SCN2A: variants seen among roughly 807,000 people sequenced by gnomAD.
The protein encoded by SCN2A is sodium channel protein type 2 subunit alpha.
A neutral mutation model predicts 188.7 loss-of-function variants in SCN2A; 20 were observed. The observed-to-expected ratio is 0.11, with a 90% CI of 0.07 to 0.15. SCN2A has a LOEUF of 0.15. Among genes scored for constraint, SCN2A ranks in the 10% least tolerant of loss-of-function variants. The probability of loss-of-function intolerance (pLI) is 1.00; values close to 1 mark genes in which losing one functional copy is unlikely to be tolerated. For synonymous variants in SCN2A, 804 were observed against 833.1 expected (o/e 0.97, Z 0.60); for missense variants, 1,278 against 2,445.0 (o/e 0.52, Z 10.07).
intron 17 of SCN2A, among the ~76,000 whole-genome samples, chr2:165,360,490 A>G (rs1700405894): frequency 6.6e-6 from 1 of 151,962 alleles, no homozygotes; most frequent in Admixed American, 6.6e-5. Flanking sequence ...CCAGCATATA[A>G]AAGAATCACA....
rs1574572897 is a variant in SCN2A, at chr2:165,315,755, C to T, written c.1668C>T (p.His556=). 1 of 1,609,320 alleles carries T rather than the reference C, an allele frequency of 6.2e-7. No individual in the cohort carries two copies. The highest frequency in any genetic ancestry group is 8.5e-7 in the Non-Finnish European group (1 of 1,177,042). The change falls in exon 11 of 27, where the codon CAC becomes CAT. Residue 556 remains histidine, a synonymous_variant. Coordinates refer to ENST00000375437, the MANE Select transcript of SCN2A (RefSeq NM_001040142.2). ...LTYEKRFSSP[H]QSLLSIRGSL... ...ATGAAAAGAGATTTTCTTCTCCACA[C>T]CAGGTAAAAATATTAAATTACATGA...
chr2:165,278,183 A>G (rs1695425775), intron 1 of SCN2A, among the ~76,000 whole-genome samples: 1 of 152,244 alleles, frequency 6.6e-6, no homozygotes. Context: ...GATTAGTGTG[A>G]AAATTTAGAA....
chr2:165,271,827 T>C (rs1215110520), intron 1 of SCN2A: 1 of 152,106 alleles, frequency 6.6e-6, no homozygotes, highest in African/African-American at 2.4e-5. Flanking sequence ...TGTTACTTTT[T>C]TTCCTGGCTT....
At chr2:165,334,706 G>C (rs1698891979) in intron 14 of SCN2A, among the ~76,000 whole-genome samples, 2 of 151,690 alleles carry the variant, frequency 1.3e-5, no homozygotes, top group African/African-American at 4.8e-5. Context: ...AGGTCAAGAA[G>C]AAGGCAAGGA....
chr2:165,242,174 C>G (rs997087730), intron 1 of SCN2A, among the ~76,000 whole-genome samples: 1 of 152,032 alleles, frequency 6.6e-6, no homozygotes, highest in Non-Finnish European at 1.5e-5. Flanking sequence ...ATCCATGTAT[C>G]AGATTAGTGG....
At chr2:165,337,822 A>G (rs1699083561) in intron 14 of SCN2A, among the ~76,000 whole-genome samples, 2 of 152,232 alleles carry the variant, frequency 1.3e-5, no homozygotes, top group African/African-American at 2.4e-5. Flanking sequence ...CCGAATAGGA[A>G]AAATATCAGA....
Position 165,354,584 on chromosome 2 carries a change from A to T in SCN2A, c.3312A>T (p.Thr1104=). 1 of 1,614,116 alleles carries T rather than the reference A, an allele frequency of 6.2e-7. No individual in the cohort carries two copies. Among genetic ancestry groups the T allele is most frequent in the South Asian group, 1.1e-5 (1 of 91,082 alleles). The change falls in exon 17 of 27, where the codon ACA becomes ACT. Residue 1104 remains threonine, a synonymous_variant. Coordinates refer to ENST00000375437, the MANE Select transcript of SCN2A (RefSeq NM_001040142.2). Reference sequence around the variant, plus strand: ...TAAACAACCCTAGCCTCACTGTGACAGTACCAATTGCTGTTGGAGAATCTG... The same window carrying T: ...TAAACAACCCTAGCCTCACTGTGACTGTACCAATTGCTGTTGGAGAATCTG... ...SFINNPSLTV[T]VPIAVGESDF...
chr2:165,390,049 C>A lies in SCN2A; in HGVS notation c.*225C>A, dbSNP rs1702069023. On this transcript the variant is annotated 3_prime_UTR_variant, in exon 27 of 27. Transcript: ENST00000375437. ...GATGGGAGGTTTCTATTTTCACAACCAGCTGACACTGCTGAAGAGCAGAGG... is the reference window on the plus strand; with the variant it reads ...GATGGGAGGTTTCTATTTTCACAACAAGCTGACACTGCTGAAGAGCAGAGG... 5 of 622,972 alleles carry A rather than the reference C, an allele frequency of 8.0e-6. No individual in the cohort carries two copies. The highest frequency in any genetic ancestry group is 1.3e-5 in the Non-Finnish European group (5 of 382,362). 38.6% of individuals were successfully genotyped at this position (622,972 alleles called of 1,614,324 possible). A position where few individuals can be genotyped will look rare whatever the true frequency, so the allele number is the denominator to read the frequency against.
chr2:165,276,499 A>C (rs1464954660), intron 1 of SCN2A, among the ~76,000 whole-genome samples: 1 of 152,224 alleles, frequency 6.6e-6, no homozygotes, highest in Non-Finnish European at 1.5e-5. Context: ...CTTGGTGCTA[A>C]AAAATGACAA....
At chr2:165,339,884 C>T (rs924427542) in intron 14 of SCN2A, among the ~76,000 whole-genome samples, 10 of 152,144 alleles carry the variant, frequency 6.6e-5, no homozygotes, top group African/African-American at 2.4e-4. Flanking sequence ...CATTAACCTA[C>T]CTGACTTCAA....
chr2:165,376,326 T>TA (rs1701311426), intron 22 of SCN2A, among the ~76,000 whole-genome samples: 1 of 151,882 alleles, frequency 6.6e-6, no homozygotes, highest in Non-Finnish European at 1.5e-5. Flanking sequence ...ATTTGTCAAT[T>TA]AAAAAATGAA....
intron 1 of SCN2A, among the ~76,000 whole-genome samples, chr2:165,293,181 C>T (rs762221195): frequency 6.6e-6 from 1 of 152,132 alleles, no homozygotes; most frequent in African/African-American, 2.4e-5. Flanking sequence ...GTTTGTAGTT[C>T]CTTGGCTACA....
At chr2:165,346,760 C>A (rs1344393378) in intron 16 of SCN2A, among the ~76,000 whole-genome samples, 1 of 152,152 alleles carries the variant, frequency 6.6e-6, no homozygotes, top group Non-Finnish European at 1.5e-5. Flanking sequence ...AAAAACACAA[C>A]CCTATCAAAA....
chr2:165,243,350 C>T (rs1379809187), intron 1 of SCN2A, among the ~76,000 whole-genome samples: 1 of 152,060 alleles, frequency 6.6e-6, no homozygotes, highest in Non-Finnish European at 1.5e-5. Flanking sequence ...TGCCTTTACT[C>T]CCAGCACTTT....
intron 3 of SCN2A, among the ~76,000 whole-genome samples, chr2:165,303,341 T>C (rs1696937975): frequency 7.1e-6 from 1 of 141,206 alleles, no homozygotes; most frequent in Non-Finnish European, 1.5e-5. Context: ...AGCAGCGCAA[T>C]CTCGGCTCAC....
intron 16 of SCN2A, among the ~76,000 whole-genome samples, chr2:165,350,610 C>T (rs1463591962): frequency 2.7e-5 from 4 of 146,994 alleles, no homozygotes; most frequent in Non-Finnish European, 6.0e-5. Flanking sequence ...GTAGCTGAGA[C>T]TACAGGCGCC....
chr2:165,383,536 C>G (rs551207162), intron 25 of SCN2A, among the ~76,000 whole-genome samples: 2 of 152,162 alleles, frequency 1.3e-5, no homozygotes, highest in African/African-American at 4.8e-5. Context: ...AGTAAGAAAC[C>G]GTTAACGTGG....
chr2:165,384,897 G>A (rs1220803594), intron 25 of SCN2A, among the ~76,000 whole-genome samples: 1 of 152,086 alleles, frequency 6.6e-6, no homozygotes, highest in Non-Finnish European at 1.5e-5. Context: ...AGAGTGGTAG[G>A]CAGGAAATAT....
At chr2:165,303,261 G>A (rs1176060529) in intron 3 of SCN2A, among the ~76,000 whole-genome samples, 1 of 114,684 alleles carries the variant, frequency 8.7e-6, no homozygotes. Flanking sequence ...TTGAGTTTTT[G>A]TTATTTGAGT....
Sources: gnomAD v4.1 joint callset for allele counts (sites outside exome capture counted in the v4.1 genomes callset) on GRCh38, gnomAD v4.1.1 for gene constraint, MANE v1.5 for transcripts, NCBI Gene and HGNC (gene_info 2026-07-23, HGNC 2026-07-21) for gene names.